POLA1: variants seen among roughly 807,000 people sequenced by gnomAD.
POLA1 encodes DNA polymerase alpha catalytic subunit.
In POLA1, 15 loss-of-function variants were observed where a neutral mutation model predicts 124.0. That is an observed-to-expected ratio of 0.12 (90% confidence interval 0.08 to 0.19). POLA1 has a LOEUF of 0.19. Among genes scored for constraint, POLA1 ranks in the 10% least tolerant of loss-of-function variants. The pLI, the probability that POLA1 is intolerant of heterozygous loss-of-function variation, is 1.00. For missense variants in POLA1, 886 were observed against 1,103.4 expected, an observed-to-expected ratio of 0.80 and a Z score of 2.79; for synonymous variants, 408 against 389.4, an observed-to-expected ratio of 1.05 and a Z score of -0.56.
intron 36 of POLA1, among the ~76,000 whole-genome samples, chrX:24,993,019 G>C (rs1345946734): frequency 8.9e-6 from 1 of 111,997 alleles, no homozygotes; most frequent in Admixed American, 9.4e-5. Context: ...GTTTTCATAG[G>C]GGTTAGGGAC....
intron 13 of POLA1, among the ~76,000 whole-genome samples, chrX:24,726,665 A>C (rs1930556127): frequency 8.9e-6 from 1 of 112,141 alleles, no homozygotes; most frequent in Non-Finnish European, 1.9e-5. Context: ...ACAGCTCTGG[A>C]CAGAAATTTT....
At chrX:24,771,439 G>T (rs866548419) in intron 26 of POLA1, among the ~76,000 whole-genome samples, 34 of 111,574 alleles carry the variant, frequency 3.0e-4, no homozygotes, top group Middle Eastern at 4.6e-3. Context: ...GTAAAAGATG[G>T]TGAACCTTTC....
chrX:24,801,964 T>TGTGTGTGTGTGTGTGA (rs2045719952), intron 26 of POLA1, among the ~76,000 whole-genome samples: 1 of 106,795 alleles, frequency 9.4e-6, no homozygotes, highest in African/African-American at 3.5e-5. Context: ...TGTGTGTGTG[T>TGTGTGTGTGTGTGTGA]GTGTGTGACA....
chrX:24,868,294 G>A (rs6629924), intron 34 of POLA1, among the ~76,000 whole-genome samples: 43,641 of 111,055 alleles, frequency 0.39, 7,610 homozygotes, highest in Non-Finnish European at 0.53. Flanking sequence ...AGAAGATTGT[G>A]TTCCCATATT....
At chrX:24,742,757 A>G (rs1931751970) in intron 22 of POLA1, among the ~76,000 whole-genome samples, 1 of 111,773 alleles carries the variant, frequency 8.9e-6, no homozygotes, top group African/African-American at 3.3e-5. Flanking sequence ...GTAATAAACT[A>G]CTTAGGAATG....
At chrX:24,810,328 C>A (rs1007072055) in intron 27 of POLA1, among the ~76,000 whole-genome samples, 1 of 111,213 alleles carries the variant, frequency 9.0e-6, no homozygotes, top group African/African-American at 3.3e-5. Flanking sequence ...ATTATGTTTC[C>A]GCTTCTTAAA....
intron 2 of POLA1, among the ~76,000 whole-genome samples, chrX:24,701,527 C>T (rs1928421734): frequency 9.2e-6 from 1 of 108,363 alleles, no homozygotes; most frequent in East Asian, 2.9e-4. Context: ...CCTCAGCTTC[C>T]CAGGTTCAAG....
At chrX:24,848,428 C>T (rs1381185137) in intron 34 of POLA1, among the ~76,000 whole-genome samples, 1 of 112,253 alleles carries the variant, frequency 8.9e-6, no homozygotes, top group Non-Finnish European at 1.9e-5. Flanking sequence ...CGAGGCCACA[C>T]ACCAGGAAGT....
intron 26 of POLA1, among the ~76,000 whole-genome samples, chrX:24,798,723 A>C (rs1323849877): frequency 1.8e-5 from 2 of 111,192 alleles, no homozygotes; most frequent in African/African-American, 3.3e-5. Context: ...TAAGGGAGTC[A>C]AAAGTTATAC....
chrX:24,992,138 G>A (rs897983072), intron 36 of POLA1, among the ~76,000 whole-genome samples: 1 of 111,877 alleles, frequency 8.9e-6, no homozygotes, highest in Admixed American at 9.5e-5. Context: ...CAGTTATATG[G>A]ATCGATATTC....
chrX:24,808,165 G>A (rs1163292291), intron 26 of POLA1, among the ~76,000 whole-genome samples: 1 of 111,673 alleles, frequency 9.0e-6, no homozygotes, highest in African/African-American at 3.3e-5. Context: ...CATTGCTATG[G>A]AGTCAGGCGC....
At chrX:24,930,622 T>A in intron 36 of POLA1, 73 bp downstream of exon 36, 1 of 657,629 alleles carries the variant, frequency 1.5e-6, no homozygotes, top group East Asian at 3.4e-5. Flanking sequence ...ACCTACTGTG[T>A]CAGGCTGTTC....
At chrX:24,713,184 C>T (rs745342539) in intron 4 of POLA1, among the ~76,000 whole-genome samples, 4 of 110,730 alleles carry the variant, frequency 3.6e-5, no homozygotes, top group East Asian at 5.7e-4. Flanking sequence ...AGGCTGGTCT[C>T]GAACTCCTGA....
At chrX:24,856,233 A>G (rs2046643579) in intron 34 of POLA1, among the ~76,000 whole-genome samples, 1 of 112,104 alleles carries the variant, frequency 8.9e-6, no homozygotes, top group Non-Finnish European at 1.9e-5. Context: ...AACTCTGTCA[A>G]CTATGATATG....
At chrX:24,991,269 G>A (rs767154656) in intron 36 of POLA1, among the ~76,000 whole-genome samples, 1 of 110,302 alleles carries the variant, frequency 9.1e-6, no homozygotes, top group Non-Finnish European at 1.9e-5. Context: ...CTCAGCAAGG[G>A]GGCTGCATGG....
chrX:24,964,431 A>T (rs1184463851), intron 36 of POLA1, among the ~76,000 whole-genome samples: 1 of 112,905 alleles, frequency 8.9e-6, no homozygotes, highest in Non-Finnish European at 1.9e-5. Context: ...ACATCCTAGA[A>T]ATCTTGAATT....
chrX:24,808,231 C>A (rs1048792498), intron 26 of POLA1, among the ~76,000 whole-genome samples: 5 of 111,852 alleles, frequency 4.5e-5, no homozygotes, highest in African/African-American at 1.6e-4. Context: ...TAGGCATGGC[C>A]CTTCATGGCC....
At chrX:24,953,298 T>A (rs769617272) in intron 36 of POLA1, among the ~76,000 whole-genome samples, 21 of 112,470 alleles carry the variant, frequency 1.9e-4, no homozygotes, top group South Asian at 1.1e-3. Context: ...GTTATAAGTT[T>A]GTTTTTAGCT....
intron 35 of POLA1, among the ~76,000 whole-genome samples, chrX:24,913,124 G>A (rs145870237): frequency 8.7e-4 from 98 of 112,311 alleles, no homozygotes; most frequent in African/African-American, 3.0e-3. Context: ...TAAAGAAACT[G>A]TAGTACTTTC....
Sources: allele counts gnomAD v4.1 joint callset (sites outside exome capture counted in the v4.1 genomes callset), GRCh38; gene constraint gnomAD v4.1.1; transcripts MANE v1.5; gene names NCBI Gene and HGNC (gene_info 2026-07-23, HGNC 2026-07-21).